Variants in PDILT observed in about 807,000 individuals in gnomAD.
PDILT encodes protein disulfide-isomerase-like protein of the testis.
PDILT carries 43 observed loss-of-function variants against 53.7 expected under a neutral mutation model. The observed-to-expected ratio is 0.80, with a 90% confidence interval of 0.63 to 1.03. The LOEUF (loss-of-function observed/expected upper bound fraction) is 1.03, where lower values mean the gene tolerates loss of function less well. PDILT is among the 50% of genes least tolerant of loss of function. The pLI is 0.00. For missense variants in PDILT, 727 were observed against 712.3 expected, an observed-to-expected ratio of 1.02 and a Z score of -0.24; for synonymous variants, 282 against 274.2, an observed-to-expected ratio of 1.03 and a Z score of -0.28.
intron 8 of PDILT, among the ~76,000 whole-genome samples, chr16:20,366,076 C>G (rs1596579226): frequency 8.7e-6 from 1 of 114,406 alleles, no homozygotes; most frequent in Non-Finnish European, 1.7e-5. Flanking sequence ...GTTGACAGAG[C>G]AAGATTTCGT....
At chr16:20,381,069 G>A (rs73543356) in intron 3 of PDILT, among the ~76,000 whole-genome samples, 20,257 of 152,258 alleles carry the variant, frequency 0.13, 1,680 homozygotes, top group African/African-American at 0.23. Flanking sequence ...TCCAGGCACA[G>A]ACTGTGGCTG....
chr16:20,373,289 A>G (rs1174266609), intron 5 of PDILT, among the ~76,000 whole-genome samples, 167 bp from the exon 6 acceptor site: 1 of 152,198 alleles, frequency 6.6e-6, no homozygotes, highest in African/African-American at 2.4e-5. Flanking sequence ...GGCTGGCCAG[A>G]TTAGTCAGTG....
chr16:20,369,364 A>T (rs1010517142), intron 8 of PDILT, 128 bp downstream of exon 8: 1 of 1,088,142 alleles, frequency 9.2e-7, no homozygotes, highest in African/African-American at 1.6e-5. Context: ...ATTTCCCCAC[A>T]TTGAGCCACA....
At chr16:20,371,107 C>T (rs1294813859) in intron 7 of PDILT, among the ~76,000 whole-genome samples, 1 of 152,176 alleles carries the variant, frequency 6.6e-6, no homozygotes, top group African/African-American at 2.4e-5. Flanking sequence ...AGAACCCTCT[C>T]TTAGGGTCTG....
chr16:20,360,727 A>G, intron 10 of PDILT, 70 bp from the exon 11 acceptor site: 1 of 1,155,062 alleles, frequency 8.7e-7, no homozygotes, highest in Non-Finnish European at 1.3e-6. Flanking sequence ...ATTGCTACCT[A>G]GGTAAACCCA....
Position 20,365,433 on chromosome 16 carries a change from T to C in PDILT, c.1224A>G (p.Val408=), listed in dbSNP as rs8054266. The C allele has an allele frequency of 0.59, 941,798 of 1,608,292 alleles. 283,439 individuals are homozygous for C. Among genetic ancestry groups the C allele is most frequent in the Non-Finnish European group, 0.62 (726,473 of 1,174,926 alleles). The change falls in exon 9 of 12, where the codon GTA becomes GTG. Residue 408 remains valine (V), a synonymous_variant. Coordinates refer to ENST00000302451, the MANE Select transcript of PDILT (RefSeq NM_174924.2). ...GGAGATACTTACAGAACATCACAAA[T>C]ACGTCCTTTTCTTTGTCAAAGACGA... The part of the protein sequence containing the change: ...NVVVFDKEKD[V]FVMFYAPWSK...
chr16:20,403,359 G>A (rs1486066044), intron 1 of PDILT, among the ~76,000 whole-genome samples: 6 of 152,104 alleles, frequency 3.9e-5, no homozygotes, highest in South Asian at 2.1e-4. Flanking sequence ...ACATGATCTT[G>A]GCTCACTGCA....
At chr16:20,366,191 G>A (rs2141703680) in intron 8 of PDILT, among the ~76,000 whole-genome samples, 1 of 151,932 alleles carries the variant, frequency 6.6e-6, no homozygotes. Flanking sequence ...CACTTTGATT[G>A]GTTCCTGCAA....
chr16:20,378,961 C>A (rs181200384), intron 3 of PDILT, among the ~76,000 whole-genome samples: 1 of 152,016 alleles, frequency 6.6e-6, no homozygotes, highest in Non-Finnish European at 1.5e-5. Context: ...TGTGAATATC[C>A]CACAACTTAT....
At position 20,362,633 on chromosome 16, in the gene PDILT, G is replaced by T. The variant is rs751245589; in HGVS notation, c.1238-51C>A. 10 of 1,586,260 alleles carry T rather than the reference G, an allele frequency of 6.3e-6. No homozygotes were observed. The South Asian group carries it at 1.1e-4, about 18-fold the overall frequency. ...GCTCACATTGATGAAGATCCAGAAA[G>T]CTGGCGCCACCCTACACATGGCATC... On this transcript the variant is annotated intron_variant, in intron 9 of 11. Coordinates refer to ENST00000302451, the MANE Select transcript of PDILT (RefSeq NM_174924.2).
chr16:20,362,303 A>T, intron 10 of PDILT, 101 bp downstream of exon 10: 10 of 1,267,336 alleles, frequency 7.9e-6, no homozygotes, highest in Non-Finnish European at 9.9e-6. Flanking sequence ...CTGAGAATAA[A>T]ACTGGTTTGG....
chr16:20,403,439 G>A (rs937153872), intron 1 of PDILT, among the ~76,000 whole-genome samples: 45 of 152,116 alleles, frequency 3.0e-4, no homozygotes, highest in Non-Finnish European at 5.6e-4. Flanking sequence ...ACAGGCACCC[G>A]CCACCATGCC....
At chr16:20,374,286 T>A (rs1304090693) in intron 5 of PDILT, among the ~76,000 whole-genome samples, 2 of 151,998 alleles carry the variant, frequency 1.3e-5, no homozygotes, top group African/African-American at 4.8e-5. Context: ...TGGTGATGGA[T>A]TGCTTATGAG....
intron 9 of PDILT, among the ~76,000 whole-genome samples, chr16:20,363,184 T>G (rs1416368961): frequency 6.6e-6 from 1 of 151,898 alleles, no homozygotes; most frequent in Non-Finnish European, 1.5e-5. Flanking sequence ...TGTGTTCATG[T>G]TTTCTTCTAT....
chr16:20,365,350 A>G (rs1966173674), intron 9 of PDILT, 70 bp downstream of exon 9: 9 of 1,568,766 alleles, frequency 5.7e-6, no homozygotes, highest in African/African-American at 4.1e-5. Flanking sequence ...AGTGCCCAAC[A>G]ATTCAGGAGA....
chr16:20,367,029 TTCTTTCTTTC>T, intron 8 of PDILT, among the ~76,000 whole-genome samples: 1 of 4,626 alleles, frequency 2.2e-4, no homozygotes, highest in East Asian at 2.0e-3. Context: ...TCTTTCTTCT[TTCTTTCTTTC>T]TTTCTTTCTT....
chr16:20,393,092 A>G (rs550305781), intron 2 of PDILT, among the ~76,000 whole-genome samples: 1 of 152,330 alleles, frequency 6.6e-6, no homozygotes, highest in South Asian at 2.1e-4. Context: ...TGGATGTTTT[A>G]TCTATGTAAA....
chr16:20,362,543 A>G lies in PDILT; in HGVS notation c.1277T>C (p.Leu426Pro). 1 of 1,614,168 alleles carries G rather than the reference A, an allele frequency of 6.2e-7. No homozygotes were observed. The change falls in exon 10 of 12, where the codon CTG becomes CCG. Residue 426 changes from leucine (L) to proline (P), a missense_variant. Physicochemically the swap from Leu to Pro is moderately conservative, Grantham distance 98. Coordinates refer to ENST00000302451, the MANE Select transcript of PDILT (RefSeq NM_174924.2). ...ATATTTTCTGCCCAATTCCTCCAAC[A>G]GTGGGAACAGCATCTTGCACTTTTT... ...WSKKCKMLFP[L>P]LEELGRKYQN...
At position 20,384,653 on chromosome 16, in the gene PDILT, C is replaced by A. The variant is rs776822199; in HGVS notation, c.401G>T (p.Ser134Ile). The A allele has an allele frequency of 1.2e-6, 2 of 1,614,130 alleles. No individual in the cohort carries two copies. Among genetic ancestry groups the A allele is most frequent in the South Asian group, 2.2e-5 (2 of 91,076 alleles). ...CACACAAGCACCATTACCTTTGCAG[C>A]TGATGGGCTCTGACCTGTTGCCCTC... ...FFEGNRSEPI[S>I]CKGVVESAAL... Residue 134 changes from serine to isoleucine, a missense_variant, in exon 3 of 12, where the codon AGC (serine) becomes ATC (isoleucine). Physicochemically the swap from Ser to Ile is moderately radical, Grantham distance 142. Transcript: ENST00000302451.
Sources: allele counts gnomAD v4.1 joint callset (sites outside exome capture counted in the v4.1 genomes callset), GRCh38; gene constraint gnomAD v4.1.1; transcripts MANE v1.5; gene names NCBI Gene and HGNC (gene_info 2026-07-23, HGNC 2026-07-21).